The following EPHA5 variants were observed in gnomAD, a reference collection of about 807,000 sequenced individuals.
EPHA5 encodes EPH receptor A5, also known as ephrin type-A receptor 5.
EPHA5 carries 60 observed loss-of-function variants against 105.0 expected under a neutral mutation model. The ratio of observed to expected loss-of-function variants is 0.57; its 90% confidence interval spans 0.46 to 0.71. EPHA5 has a LOEUF of 0.71. EPHA5 is among the 30% of genes least tolerant of loss of function. The pLI is 0.00. For missense variants in EPHA5, 1,218 were observed against 1,274.7 expected (o/e 0.96, Z 0.68); for synonymous variants, 513 against 449.1 (o/e 1.14, Z -1.80).
At chr4:65,343,390 G>T (rs1721920502) in intron 14 of EPHA5, among the ~76,000 whole-genome samples, 1 of 152,064 alleles carries the variant, frequency 6.6e-6, no homozygotes, top group Non-Finnish European at 1.5e-5. Flanking sequence ...TCCTACTGCT[G>T]CATTTTGTCC....
chr4:65,512,570 G>T, intron 3 of EPHA5, among the ~76,000 whole-genome samples: 1 of 151,978 alleles, frequency 6.6e-6, no homozygotes, highest in East Asian at 1.9e-4. Flanking sequence ...TGTCTCTCTT[G>T]CTGCTATGGC....
intron 6 of EPHA5, among the ~76,000 whole-genome samples, chr4:65,419,250 A>G (rs574214840): frequency 6.7e-6 from 1 of 149,562 alleles, no homozygotes; most frequent in East Asian, 2.0e-4. Context: ...AATTTTCATT[A>G]ATAGGACATT....
chr4:65,375,513 C>A (rs1410901846), intron 8 of EPHA5, among the ~76,000 whole-genome samples: 1 of 151,744 alleles, frequency 6.6e-6, no homozygotes, highest in Non-Finnish European at 1.5e-5. Flanking sequence ...AAGATACTAT[C>A]TTTTTAAATC....
chr4:65,579,029 T>A (rs1388293489), intron 3 of EPHA5, among the ~76,000 whole-genome samples: 2 of 152,006 alleles, frequency 1.3e-5, no homozygotes, highest in Non-Finnish European at 2.9e-5. Flanking sequence ...AAGAATGGTA[T>A]TTTTTAGTGT....
intron 7 of EPHA5, among the ~76,000 whole-genome samples, chr4:65,410,750 C>T (rs1722836317): frequency 6.6e-6 from 1 of 152,122 alleles, no homozygotes. Context: ...TGCAAATCCA[C>T]AATTATCTCA....
intron 5 of EPHA5, among the ~76,000 whole-genome samples, chr4:65,455,349 C>A (rs892412077): frequency 2.0e-5 from 3 of 152,184 alleles, no homozygotes; most frequent in Non-Finnish European, 2.9e-5. Flanking sequence ...GTTTGCACAT[C>A]AATTTACTAG....
chr4:65,471,416 A>C (rs1455310891), intron 5 of EPHA5, among the ~76,000 whole-genome samples: 1 of 152,208 alleles, frequency 6.6e-6, no homozygotes, highest in Non-Finnish European at 1.5e-5. Context: ...AACAACTTGA[A>C]AATCTTAATA....
intron 14 of EPHA5, among the ~76,000 whole-genome samples, chr4:65,345,577 G>C (rs982562546): frequency 1.3e-5 from 2 of 152,204 alleles, no homozygotes; most frequent in African/African-American, 4.8e-5. Context: ...AACAGACAGA[G>C]AGCGAGAGGA....
At chr4:65,436,307 C>G (rs1435153992) in intron 5 of EPHA5, among the ~76,000 whole-genome samples, 1 of 151,698 alleles carries the variant, frequency 6.6e-6, no homozygotes, top group Non-Finnish European at 1.5e-5. Context: ...TCTATGTTTC[C>G]TAATCAACTA....
intron 15 of EPHA5, among the ~76,000 whole-genome samples, chr4:65,335,078 G>A (rs1309669920): frequency 6.6e-6 from 1 of 151,852 alleles, no homozygotes; most frequent in Non-Finnish European, 1.5e-5. Flanking sequence ...CAGAATCATA[G>A]AACTTTCATA....
intron 5 of EPHA5, among the ~76,000 whole-genome samples, chr4:65,443,476 G>C (rs1484630485): frequency 6.6e-6 from 1 of 151,896 alleles, no homozygotes; most frequent in African/African-American, 2.4e-5. Context: ...GACAATCACT[G>C]AAAGAGGCAG....
rs79892257 is a variant in EPHA5, at chr4:65,470,806, A to G, written c.1402+19571T>C. 1.7e-3 allele frequency among the ~76,000 whole-genome samples: 266 copies of G among 152,308 alleles called. 5 individuals carry two copies. The East Asian group carries it at 0.046, about 27-fold the overall frequency. On this transcript the variant is annotated intron_variant, in intron 5 of 16. Transcript: ENST00000613740. ...TAATATTTGCAGTCCTGTTAAAGCA[A>G]ACTAAATATGGCCTGAGAAGCACTG...
In EPHA5 at chr4:65,575,998, GAGAGAAAGAAAGAA is replaced by G. The variant is rs1462926887; in HGVS notation, c.910+25629_910+25642del. Among the ~76,000 whole-genome samples the G allele has an allele frequency of 1.9e-3, 156 of 81,922 alleles. 1 individual carries two copies. In the East Asian group the frequency reaches 0.021, roughly 11 times the overall value. 53.7% of individuals were successfully genotyped at this position (81,922 alleles called of 152,430 possible). On this transcript the variant is annotated intron_variant, in intron 3 of 16. Coordinates refer to ENST00000613740, the MANE Select transcript of EPHA5 (RefSeq NM_001281766.3). ...CAAAAAAGAAAGAGAGAGAGAGAGAGAGAGAAAGAAAGAAAGAAAGAAAGAAAGAAAGAAAGAAA... is the reference window on the plus strand; with the variant it reads ...CAAAAAAGAAAGAGAGAGAGAGAGAGAGAAAGAAAGAAAGAAAGAAAGAAA...
chr4:65,604,995 A>G (rs1197091217), intron 2 of EPHA5, among the ~76,000 whole-genome samples: 1 of 152,202 alleles, frequency 6.6e-6, no homozygotes, highest in African/African-American at 2.4e-5. Context: ...GCTGAATGCA[A>G]TATGATGGCT....
chr4:65,565,841 T>C (rs1245273521), intron 3 of EPHA5, among the ~76,000 whole-genome samples: 1 of 151,786 alleles, frequency 6.6e-6, no homozygotes, highest in Non-Finnish European at 1.5e-5. Flanking sequence ...TTTCTAAGTT[T>C]ATAATTTTGA....
chr4:65,433,414 T>C lies in EPHA5; in HGVS notation c.1403-12849A>G, dbSNP rs1052765820. The stretch of plus-strand genomic sequence containing the variant: ...ATATTGGATATTCGCTTAGAATGCA[T>C]AGTGATAACATTATGTTGGCCAGAA... On this transcript the variant is annotated intron_variant, in intron 5 of 16. Transcript: ENST00000613740. Among the ~76,000 whole-genome samples the C allele has an allele frequency of 3.9e-5, 6 of 152,200 alleles. No homozygotes were observed. The East Asian group carries it at 1.2e-3, about 29-fold the overall frequency.
chr4:65,354,937 C>G (rs1181074109), intron 11 of EPHA5, among the ~76,000 whole-genome samples: 32 of 151,916 alleles, frequency 2.1e-4, no homozygotes, highest in Admixed American at 2.1e-3. Flanking sequence ...GCAAAGGCAG[C>G]CACATTTCCT....
At chr4:65,579,605 T>C (rs556117670) in intron 3 of EPHA5, among the ~76,000 whole-genome samples, 2 of 151,894 alleles carry the variant, frequency 1.3e-5, no homozygotes, top group Admixed American at 6.6e-5. Context: ...ATTGTATTTG[T>C]TATCTTCATG....
At position 65,323,918 on chromosome 4, in the gene EPHA5, T is replaced by G. The variant is rs990724311; in HGVS notation, c.*196A>C. On this transcript the variant is annotated 3_prime_UTR_variant, in exon 17 of 17. Transcript: ENST00000613740. Reference sequence around the variant, plus strand: ...TTTAATGCAAGATATGTTTGCTTCATGAAAAATGAAGACTAAGGACTAAGA... The same window carrying G: ...TTTAATGCAAGATATGTTTGCTTCAGGAAAAATGAAGACTAAGGACTAAGA... 2.3e-6 allele frequency: 1 copy of G among 441,702 alleles called. No individual in the cohort carries two copies. The highest frequency in any genetic ancestry group is 2.0e-5 in the African/African-American group (1 of 48,868). 27.4% of individuals were successfully genotyped at this position (441,702 alleles called of 1,614,324 possible). A position where few individuals can be genotyped will look rare whatever the true frequency, so the allele number is the denominator to read the frequency against.
Sources: allele counts gnomAD v4.1 joint callset (sites outside exome capture counted in the v4.1 genomes callset), GRCh38; gene constraint gnomAD v4.1.1; transcripts MANE v1.5; gene names NCBI Gene and HGNC (gene_info 2026-07-23, HGNC 2026-07-21).